CTC1: variants seen among roughly 807,000 people sequenced by gnomAD.
CTC1 encodes CST telomere replication complex component 1, also known as CST complex subunit CTC1.
CTC1 carries 91 observed loss-of-function variants against 136.3 expected under a neutral mutation model. The ratio of observed to expected loss-of-function variants is 0.67; its 90% confidence interval spans 0.56 to 0.79. CTC1 has a LOEUF of 0.79. Ranked by LOEUF, CTC1 falls within the 30% of genes least tolerant of loss-of-function variation. The probability of loss-of-function intolerance (pLI) is 0.00; values close to 1 mark genes in which losing one functional copy is unlikely to be tolerated. For synonymous variants in CTC1, 606 were observed against 613.8 expected (o/e 0.99, Z 0.19); for missense variants, 1,432 against 1,498.1 (o/e 0.96, Z 0.73).
chr17:8,244,785 C>T (rs992497846), intron 1 of CTC1, among the ~76,000 whole-genome samples: 4 of 152,166 alleles, frequency 2.6e-5, no homozygotes, highest in African/African-American at 7.2e-5. Context: ...CCTCAGCCTC[C>T]CAAAGTGCCA....
At chr17:8,228,367 T>C (rs1475628892) in intron 22 of CTC1, 48 bp from the exon 23 acceptor site, 3 of 1,609,008 alleles carry the variant, frequency 1.9e-6, no homozygotes, top group South Asian at 1.1e-5. Flanking sequence ...ATGTGGCTTT[T>C]AGTTCCCACC....
intron 1 of CTC1, among the ~76,000 whole-genome samples, chr17:8,246,755 G>A (rs1988750540): frequency 6.6e-6 from 1 of 151,784 alleles, no homozygotes; most frequent in Admixed American, 6.6e-5. Context: ...AAAATGAGCT[G>A]GGCATGGCGG....
intron 1 of CTC1, 123 bp downstream of exon 1, chr17:8,247,881 C>G (rs961315551): frequency 1.1e-6 from 1 of 948,576 alleles, no homozygotes; most frequent in African/African-American, 1.6e-5. Flanking sequence ...ACTCACAACC[C>G]CCTCACCCAT....
At position 8,231,384 on chromosome 17, in the gene CTC1, A is replaced by G; in HGVS notation, c.2561T>C (p.Val854Ala). 2 of 1,613,818 alleles carry G rather than the reference A, an allele frequency of 1.2e-6. No homozygotes were observed. Among genetic ancestry groups the G allele is most frequent in the Non-Finnish European group, 1.7e-6 (2 of 1,179,708 alleles). ...ELAGCASCLT[V>A]QDNWTLELES... ...AAGCTCCAGAGTCCAGTTGTCCTGG[A>G]CAGTGAGGCAGGATGCACAGCCAGC... The change falls in exon 15 of 23, where the codon GTC (valine) becomes GCC (alanine). Residue 854 changes from valine to alanine, a missense_variant. By Grantham distance (64) the Val-to-Ala change is moderately conservative. Transcript: ENST00000651323.
At chr17:8,247,750 T>A (rs1433128915) in intron 1 of CTC1, 1 of 504,106 alleles carries the variant, frequency 2.0e-6, no homozygotes, top group Non-Finnish European at 3.6e-6. Flanking sequence ...AACCTGCTCC[T>A]GGTTTCCCAC....
chr17:8,225,578 C>A lies in CTC1; in HGVS notation c.*2602G>T, dbSNP rs1053534478. ...GTGCCCTGCCCTTCCACACCAGGAT[C>A]CCTAGCGACTCCCGAATGATGCTTT... On this transcript the variant is annotated 3_prime_UTR_variant, in exon 23 of 23. Coordinates refer to ENST00000651323, the MANE Select transcript of CTC1 (RefSeq NM_025099.6). 1.3e-5 allele frequency: 2 copies of A among 152,298 alleles called. No homozygotes were observed. Among genetic ancestry groups the A allele is most frequent in the African/African-American group, 4.8e-5 (2 of 41,438 alleles). 9.4% of individuals were successfully genotyped at this position (152,298 alleles called of 1,614,324 possible). A position where few individuals can be genotyped will look rare whatever the true frequency, so the allele number is the denominator to read the frequency against.
chr17:8,243,219 G>A, intron 1 of CTC1, 71 bp from the exon 2 acceptor site: 1 of 1,461,520 alleles, frequency 6.8e-7, no homozygotes, highest in Non-Finnish European at 9.3e-7. Flanking sequence ...AAGAATAAAG[G>A]ACTAGAAAAA....
rs1042181900 is a variant in CTC1, at chr17:8,226,354, G to T, written c.*1826C>A. On this transcript the variant is annotated 3_prime_UTR_variant, in exon 23 of 23. Coordinates refer to ENST00000651323, the MANE Select transcript of CTC1 (RefSeq NM_025099.6). ...TGAAATTCATCTACAAGAATATAGAGCTAGGAACCCGGACCGAGCTTTTTC... is the reference window on the plus strand; with the variant it reads ...TGAAATTCATCTACAAGAATATAGATCTAGGAACCCGGACCGAGCTTTTTC... The T allele has an allele frequency of 1.3e-5, 2 of 152,150 alleles. No homozygotes were observed. The highest frequency in any genetic ancestry group is 2.9e-5 in the Non-Finnish European group (2 of 68,030). 9.4% of individuals were successfully genotyped at this position (152,150 alleles called of 1,614,324 possible).
intron 1 of CTC1, among the ~76,000 whole-genome samples, chr17:8,243,721 C>A (rs201958176): frequency 6.6e-6 from 1 of 152,102 alleles, no homozygotes; most frequent in Admixed American, 6.6e-5. Flanking sequence ...AAAGTCAGTA[C>A]GTTGAAGACC....
Position 8,228,299 on chromosome 17 carries a change from A to G in CTC1, c.3535T>C (p.Phe1179Leu). 3 of 1,614,152 alleles carry G rather than the reference A, an allele frequency of 1.9e-6. No homozygotes were observed. The highest frequency in any genetic ancestry group is 8.5e-7 in the Non-Finnish European group (1 of 1,180,014). The change falls in exon 23 of 23, where the codon TTC (phenylalanine) becomes CTC (leucine). Residue 1179 changes from phenylalanine (F) to leucine (L), a missense_variant. By Grantham distance (22) the Phe-to-Leu change is conservative. Transcript: ENST00000651323. Reference protein sequence around the residue: ...VPLEPPRLQRFQCGELPFLTH... With the variant: ...VPLEPPRLQRLQCGELPFLTH... ...AGGAAAGGGAGCTCTCCACACTGGA[A>G]TCGCTGTAGCCGAGGAGGTTCTGAG...
Position 8,238,019 on chromosome 17 carries a change from G to C in CTC1, c.647+12C>G, listed in dbSNP as rs750369449. ...TTACAGCGCCCCTGCCATGCCTAGAGGGGGAAATTACCTGAGCCTGAGCAG... is the reference window on the plus strand; with the variant it reads ...TTACAGCGCCCCTGCCATGCCTAGACGGGGAAATTACCTGAGCCTGAGCAG... On this transcript the variant is annotated intron_variant, in intron 4 of 22. Transcript: ENST00000651323. The C allele has an allele frequency of 2.5e-6, 4 of 1,606,830 alleles. No homozygotes were observed. Among genetic ancestry groups the C allele is most frequent in the Admixed American group, 1.7e-5 (1 of 59,856 alleles).
rs896266098 is a variant in CTC1, at chr17:8,227,870, C to T, written c.*310G>A. On this transcript the variant is annotated 3_prime_UTR_variant, in exon 23 of 23. Coordinates refer to ENST00000651323, the MANE Select transcript of CTC1 (RefSeq NM_025099.6). ...GTCAATAGGCCTGTCACCATCACCC[C>T]ACAGCGAGCAAGTCTTTTGTTCCCT... is the stretch of plus-strand genomic sequence containing the variant. 6 of 282,690 alleles carry T rather than the reference C, an allele frequency of 2.1e-5. No individual in the cohort carries two copies. Among genetic ancestry groups the T allele is most frequent in the Middle Eastern group, 1.2e-3 (1 of 822 alleles). The allele number at this position is 282,690 out of a possible 1,614,324, so 17.5% of individuals were successfully genotyped here.
intron 2 of CTC1, 37 bp from the exon 3 acceptor site, chr17:8,238,666 G>A (rs778682757): frequency 2.0e-6 from 3 of 1,485,106 alleles, no homozygotes; most frequent in Non-Finnish European, 2.7e-6. Flanking sequence ...TGCAAAGCCA[G>A]GTCCAAGCCT....
chr17:8,232,391 A>G lies in CTC1; in HGVS notation c.2030T>C (p.Met677Thr). The change falls in exon 12 of 23, where the codon ATG becomes ACG. Residue 677 changes from methionine (M) to threonine (T), a missense_variant. By Grantham distance (81) the Met-to-Thr change is moderately conservative. Coordinates refer to ENST00000651323, the MANE Select transcript of CTC1 (RefSeq NM_025099.6). ...CTGCTGCTTCTGGATGAAGCCTGGC[A>G]TGCTCAGCTCCTTCCAGGAAGGGAA... ...SSFPSWKELS[M>T]PGFIQKQQAR... The G allele has an allele frequency of 1.2e-6, 2 of 1,614,152 alleles. No homozygotes were observed. The highest frequency in any genetic ancestry group is 2.2e-5 in the South Asian group (2 of 91,092).
chr17:8,246,444 C>CCCAACACT (rs1988715440), intron 1 of CTC1, among the ~76,000 whole-genome samples: 1 of 152,152 alleles, frequency 6.6e-6, no homozygotes, highest in Non-Finnish European at 1.5e-5. Flanking sequence ...AGCACACATG[C>CCCAACACT]CCAACACTGA....
chr17:8,238,101 T>C lies in CTC1; in HGVS notation c.577A>G (p.Ile193Val). ...ATAGGCGTGACGGGGCCAGGACTGA[T>C]GGTCAAAGGAAACACTGGCACAGGG... ...DAPVPVFPLT[I>V]SPGPVTPIPV... The change falls in exon 4 of 23, where the codon ATC becomes GTC. Residue 193 changes from isoleucine (I) to valine (V), a missense_variant. By Grantham distance (29) the Ile-to-Val change is conservative. Transcript: ENST00000651323. The C allele has an allele frequency of 6.2e-7, 1 of 1,614,122 alleles. No individual in the cohort carries two copies. The highest frequency in any genetic ancestry group is 2.2e-5 in the East Asian group (1 of 44,880).
chr17:8,229,934 T>C lies in CTC1; in HGVS notation c.2968A>G (p.Thr990Ala), dbSNP rs1233090231. The C allele has an allele frequency of 6.2e-7, 1 of 1,614,018 alleles. No homozygotes were observed. Among genetic ancestry groups the C allele is most frequent in the Non-Finnish European group, 8.5e-7 (1 of 1,180,010 alleles). ...HNVYCCFRSSTYVQVLSFPPE... is the reference protein window; with the variant it reads ...HNVYCCFRSSAYVQVLSFPPE... ...GGAAAACTCAGGACCTGCACATAAGTGGATGACCGGAAACAACAATAAACA... is the reference window on the plus strand; with the variant it reads ...GGAAAACTCAGGACCTGCACATAAGCGGATGACCGGAAACAACAATAAACA... Residue 990 changes from threonine (T) to alanine (A), a missense_variant, in exon 18 of 23, where the codon ACT (threonine) becomes GCT (alanine). By Grantham distance (58) the Thr-to-Ala change is moderately conservative. Coordinates refer to ENST00000651323, the MANE Select transcript of CTC1 (RefSeq NM_025099.6).
intron 8 of CTC1, 42 bp from the exon 9 acceptor site, chr17:8,234,968 C>A (rs771876251): frequency 2.5e-6 from 4 of 1,596,058 alleles, no homozygotes; most frequent in Non-Finnish European, 3.4e-6. Flanking sequence ...CCTGAAGAGC[C>A]TGCCTCTTCA....
intron 12 of CTC1, 58 bp from the exon 13 acceptor site, chr17:8,232,285 C>G (rs1987308817): frequency 1.3e-6 from 2 of 1,556,108 alleles, no homozygotes; most frequent in South Asian, 2.4e-5. Context: ...GTATTTTGGT[C>G]CCCAGCATCC....
Sources: allele counts gnomAD v4.1 joint callset (sites outside exome capture counted in the v4.1 genomes callset), GRCh38; gene constraint gnomAD v4.1.1; transcripts MANE v1.5; gene names NCBI Gene and HGNC (gene_info 2026-07-23, HGNC 2026-07-21).